The following PAK6 variants were observed in gnomAD, a reference collection of about 807,000 sequenced individuals.
The protein encoded by PAK6 is p21 (RAC1) activated kinase 6, also known as serine/threonine-protein kinase PAK 6.
A neutral mutation model predicts 60.8 loss-of-function variants in PAK6; 33 were observed. That is an observed-to-expected ratio of 0.54 (90% CI 0.41 to 0.73). The LOEUF (loss-of-function observed/expected upper bound fraction) is 0.73, where lower values mean the gene tolerates loss of function less well. Among genes scored for constraint, PAK6 ranks in the 30% least tolerant of loss-of-function variants. The pLI, the probability that PAK6 is intolerant of heterozygous loss-of-function variation, is 0.00. For missense variants in PAK6, 845 were observed against 904.1 expected (o/e 0.93, Z 0.84); for synonymous variants, 404 against 378.5 (o/e 1.07, Z -0.78).
At chr15:40,267,409 G>A (rs55945532) in intron 5 of PAK6, among the ~76,000 whole-genome samples, 647 of 152,328 alleles carry the variant, frequency 4.2e-3, no homozygotes, top group Non-Finnish European at 6.9e-3. Flanking sequence ...TGTAGTCCCA[G>A]CACTTTGGGA....
In PAK6 at chr15:40,270,610, GACAGTGTC is replaced by G. The variant is rs143755335; in HGVS notation, c.859-1599_859-1592del. On this transcript the variant is annotated intron_variant, in intron 5 of 10. Coordinates refer to ENST00000560346, the Ensembl canonical transcript of PAK6. ...ACTGCTCCACTACACAGTGGATGGT[GACAGTGTC>G]ACAGTGTCACAGTGGATGGTGACAG... Among the ~76,000 whole-genome samples, 843 of 152,354 alleles carry G rather than the reference GACAGTGTC, an allele frequency of 5.5e-3. 25 individuals are homozygous for G. In the East Asian group the frequency reaches 0.1, roughly 18 times the overall value.
At chr15:40,273,699 A>C (rs1425870732) in intron 9 of PAK6, 23 bp downstream of exon 9, 6 of 1,608,332 alleles carry the variant, frequency 3.7e-6, no homozygotes, top group African/African-American at 1.3e-5. Context: ...TCCACCCCCC[A>C]GACCTCCCAA....
chr15:40,267,583 C>T (rs567187283), intron 5 of PAK6, among the ~76,000 whole-genome samples: 169 of 152,246 alleles, frequency 1.1e-3, no homozygotes, highest in African/African-American at 3.9e-3. Context: ...GGCGTGAACC[C>T]GGGAGGCAGA....
intron 10 of PAK6, among the ~76,000 whole-genome samples, chr15:40,275,057 GCATATAAAGATCT>G (rs1210049861): frequency 6.6e-6 from 1 of 152,130 alleles, no homozygotes; most frequent in East Asian, 1.9e-4. Flanking sequence ...CCCAAAATTA[GCATATAAAGATCT>G]CCAGTTGGCT....
intron 4 of PAK6, among the ~76,000 whole-genome samples, 192 bp from the exon 5 acceptor site, chr15:40,265,650 C>A (rs761394448): frequency 1.3e-5 from 2 of 152,224 alleles, no homozygotes; most frequent in Non-Finnish European, 2.9e-5. Flanking sequence ...ATCCCTGCAT[C>A]CAGCACAGGC....
chr15:40,261,057 G>T lies in PAK6; in HGVS notation c.-5-3724G>T, dbSNP rs1477137056. ...GTGCCCACCACCACACCCGGCTAATGTTTTGTAGTTTTAGTAGAGACGGGG... is the reference window on the plus strand; with the variant it reads ...GTGCCCACCACCACACCCGGCTAATTTTTTGTAGTTTTAGTAGAGACGGGG... On this transcript the variant is annotated intron_variant, in intron 3 of 10. Coordinates refer to ENST00000560346, the Ensembl canonical transcript of PAK6. Among the ~76,000 whole-genome samples the T allele has an allele frequency of 4.6e-5, 7 of 151,766 alleles. No homozygotes were observed. The East Asian group carries it at 1.2e-3, about 26-fold the overall frequency.
At chr15:40,247,977 G>C (rs905373208) in intron 2 of PAK6, among the ~76,000 whole-genome samples, 1 of 152,136 alleles carries the variant, frequency 6.6e-6, no homozygotes, top group Non-Finnish European at 1.5e-5. Context: ...ACCCCGTTTG[G>C]GGGTGCTGCT....
exon 5 of PAK6, chr15:40,266,463 A>G (rs2140981948): frequency 6.2e-7 from 1 of 1,611,212 alleles, no homozygotes. Flanking sequence ...CCCTCCAAGC[A>G]GCAGCAAGCC....
intron 3 of PAK6, among the ~76,000 whole-genome samples, chr15:40,261,432 T>G (rs1394867130): frequency 2.6e-5 from 4 of 151,658 alleles, no homozygotes; most frequent in East Asian, 3.9e-4. Context: ...AGCTACTCAG[T>G]AGGCTAAGGC....
At chr15:40,240,648 C>CG (rs761032313) in exon 2 of PAK6, 14 of 438,392 alleles carry the variant, frequency 3.2e-5, no homozygotes, top group African/African-American at 2.9e-4. Flanking sequence ...CAGTGGAGAA[C>CG]GCAGGACCCC....
intron 5 of PAK6, among the ~76,000 whole-genome samples, chr15:40,269,320 C>T (rs1442966187): frequency 2.6e-5 from 4 of 152,176 alleles, no homozygotes; most frequent in Non-Finnish European, 4.4e-5. Flanking sequence ...CATGCCAGGC[C>T]GGCTTTATTA....
intron 8 of PAK6, 31 bp from the exon 9 acceptor site, chr15:40,273,520 G>T (rs1357445662): frequency 6.2e-7 from 1 of 1,613,694 alleles, no homozygotes; most frequent in Non-Finnish European, 8.5e-7. Flanking sequence ...ACTTCCTCCT[G>T]ATCCACCACT....
intron 2 of PAK6, among the ~76,000 whole-genome samples, chr15:40,249,135 A>C (rs1479555905): frequency 1.3e-5 from 2 of 152,110 alleles, no homozygotes; most frequent in East Asian, 3.9e-4. Flanking sequence ...ACCTCACATG[A>C]TGGAAAGGGC....
intron 3 of PAK6, chr15:40,259,838 C>G (rs1017549143): frequency 2.7e-5 from 4 of 147,702 alleles, no homozygotes; most frequent in Admixed American, 6.8e-5. Flanking sequence ...AGCAATCCGT[C>G]GTCTTTAAGG....
chr15:40,258,124 G>A (rs1384948338), intron 3 of PAK6, among the ~76,000 whole-genome samples: 2 of 152,174 alleles, frequency 1.3e-5, no homozygotes, highest in Admixed American at 1.3e-4. Flanking sequence ...AAAACACCTG[G>A]TTCCTTGCAA....
chr15:40,245,201 AG>A (rs1240469849), intron 2 of PAK6: 1 of 152,358 alleles, frequency 6.6e-6, no homozygotes, highest in Admixed American at 6.5e-5. Flanking sequence ...CTGGGTGTCC[AG>A]GGAAGCAGGT....
intron 2 of PAK6, among the ~76,000 whole-genome samples, chr15:40,250,150 T>C (rs1008043340): frequency 2.0e-5 from 3 of 152,190 alleles, no homozygotes; most frequent in Non-Finnish European, 4.4e-5. Flanking sequence ...TGTTCTGCCC[T>C]TTCCTCCTGG....
chr15:40,254,898 C>T (rs2038793687), intron 3 of PAK6, among the ~76,000 whole-genome samples: 1 of 152,200 alleles, frequency 6.6e-6, no homozygotes, highest in Admixed American at 6.5e-5. Context: ...TTTCTTGCCT[C>T]CTCCTTCTCT....
chr15:40,274,670 A>G (rs956167417), intron 10 of PAK6, among the ~76,000 whole-genome samples: 1 of 152,164 alleles, frequency 6.6e-6, no homozygotes, highest in Non-Finnish European at 1.5e-5. Context: ...GGAGATCCAT[A>G]CCATGATTCG....
Sources: gnomAD v4.1 joint callset for allele counts (sites outside exome capture counted in the v4.1 genomes callset) on GRCh38, gnomAD v4.1.1 for gene constraint, MANE v1.5 for transcripts, NCBI Gene and HGNC (gene_info 2026-07-23, HGNC 2026-07-21) for gene names.